CFAP46: variants seen among roughly 807,000 people sequenced by gnomAD.
CFAP46 encodes the protein cilia- and flagella-associated protein 46.
Under a neutral mutation model 325.7 loss-of-function variants are expected in CFAP46, and 245 were observed. That is an observed-to-expected ratio of 0.75 (90% CI 0.68 to 0.84). CFAP46 has a LOEUF of 0.84. Ranked by LOEUF, CFAP46 falls within the 40% of genes least tolerant of loss-of-function variation. The pLI, the probability that CFAP46 is intolerant of heterozygous loss-of-function variation, is 0.00. For synonymous variants in CFAP46, 1,523 were observed against 1,495.9 expected (o/e 1.02, Z -0.42); for missense variants, 3,346 against 3,543.0 (o/e 0.94, Z 1.41).
In CFAP46 at chr10:132,867,571, T is replaced by G; in HGVS notation, c.4611-64A>C. 2.6e-6 allele frequency: 4 copies of G among 1,517,302 alleles called. No individual in the cohort carries two copies. The South Asian group carries it at 5.0e-5, about 19-fold the overall frequency. The allele number at this position is 1,517,302 out of a possible 1,614,324, so 94.0% of individuals were successfully genotyped here. A position where few individuals can be genotyped will look rare whatever the true frequency, so the allele number is the denominator to read the frequency against. ...GGCCACGAAAATGTCCCTTCACGAG[T>G]AACCAAAGAAACGCAAACGAAAACA... On this transcript the variant is annotated intron_variant, in intron 33 of 57. Transcript: ENST00000368586.
At position 132,909,705 on chromosome 10, in the gene CFAP46, C is replaced by T. The variant is rs374813197; in HGVS notation, c.2649+214G>A. Among the ~76,000 whole-genome samples, 23 of 152,368 alleles carry T rather than the reference C, an allele frequency of 1.5e-4. No individual in the cohort carries two copies. In the East Asian group the frequency reaches 4.4e-3, roughly 29 times the overall value. The stretch of plus-strand genomic sequence containing the variant: ...GCACCCCCACAGGCCCAGCAGCTCA[C>T]AGACCCCGTGGACGGGTGGGCAGAG... On this transcript the variant is annotated intron_variant, in intron 20 of 57. Transcript: ENST00000368586.
chr10:132,899,978 C>G (rs1222240667), intron 22 of CFAP46, among the ~76,000 whole-genome samples: 9 of 152,278 alleles, frequency 5.9e-5, no homozygotes, highest in African/African-American at 2.2e-4. Flanking sequence ...AGTCACATGG[C>G]AAGGGTGGGA....
At chr10:132,913,381 G>GGGGGGGGGGGGGGGC in intron 17 of CFAP46, 123 bp from the exon 18 acceptor site, 2 of 350,504 alleles carry the variant, frequency 5.7e-6, no homozygotes, top group African/African-American at 2.2e-5. Context: ...GGGCGGGTGG[G>GGGGGGGGGGGGGGGC]CGGCGACCAA....
In CFAP46 at chr10:132,885,277, G is replaced by A; in HGVS notation, c.3453C>T (p.Phe1151=). The change falls in exon 27 of 58, where the codon TTC becomes TTT. Residue 1151 remains phenylalanine, a synonymous_variant. Coordinates refer to ENST00000368586, the MANE Select transcript of CFAP46 (RefSeq NM_001200049.3). The stretch of plus-strand genomic sequence containing the variant: ...TGGCCTTCACGATGACCATGTGCTT[G>A]AAGATCAAGCTAAAGAAAGGGAAGG... ...LPRTAHRLLI[F]KHMVIVKAKL... is the part of the protein sequence containing the mutation. 6.5e-7 allele frequency: 1 copy of A among 1,546,262 alleles called. No individual in the cohort carries two copies. Among genetic ancestry groups the A allele is most frequent in the Non-Finnish European group, 8.7e-7 (1 of 1,144,228 alleles).
chr10:132,827,955 G>A lies in CFAP46; in HGVS notation c.7117+5403C>T, dbSNP rs567964673. On this transcript the variant is annotated intron_variant, in intron 50 of 57. Transcript: ENST00000368586. This position sits in a 1 kb window ranked among gnomAD's most constrained non-coding sequence, Gnocchi z 5.7. Reference sequence around the variant, plus strand: ...TCACCCCTCGGCGTAATCCTTCTGAGTGAGCCCCGTCACCCCTCAGCGTAA... The same window carrying A: ...TCACCCCTCGGCGTAATCCTTCTGAATGAGCCCCGTCACCCCTCAGCGTAA... Among the ~76,000 whole-genome samples the A allele has an allele frequency of 6.6e-6, 1 of 150,940 alleles. No homozygotes were observed. The highest frequency in any genetic ancestry group is 6.6e-5 in the Admixed American group (1 of 15,254).
intron 36 of CFAP46, 94 bp downstream of exon 36, chr10:132,860,688 G>A (rs1006856878): frequency 1.5e-5 from 20 of 1,364,930 alleles, no homozygotes; most frequent in Middle Eastern, 2.4e-4. Flanking sequence ...TGTCATCAGC[G>A]GTCTGCCAGG....
intron 31 of CFAP46, among the ~76,000 whole-genome samples, chr10:132,874,057 A>C (rs1848930998): frequency 6.6e-6 from 1 of 152,220 alleles, no homozygotes; most frequent in Non-Finnish European, 1.5e-5. Context: ...TCTTCCACGC[A>C]TTTAAGGATG....
chr10:132,883,182 C>T (rs879860618), intron 27 of CFAP46, among the ~76,000 whole-genome samples: 2 of 152,128 alleles, frequency 1.3e-5, no homozygotes, highest in Non-Finnish European at 2.9e-5. Context: ...AAAGTGGAGA[C>T]GTGGCTGAAA....
Position 132,869,454 on chromosome 10 carries a change from A to T in CFAP46, c.4512-82T>A. Reference sequence around the variant, plus strand: ...ACGAAGCTACTAGTGTGCTTCACAGAAAACGGTCAACTAACACATCGAGGC... The same window carrying T: ...ACGAAGCTACTAGTGTGCTTCACAGTAAACGGTCAACTAACACATCGAGGC... On this transcript the variant is annotated intron_variant, in intron 32 of 57. Coordinates refer to ENST00000368586, the MANE Select transcript of CFAP46 (RefSeq NM_001200049.3). This position sits in a 1 kb window ranked among gnomAD's most constrained non-coding sequence, Gnocchi z 6.2. 1 of 1,009,570 alleles carries T rather than the reference A, an allele frequency of 9.9e-7. No homozygotes were observed. The highest frequency in any genetic ancestry group is 1.4e-6 in the Non-Finnish European group (1 of 725,096). 62.5% of individuals were successfully genotyped at this position (1,009,570 alleles called of 1,614,324 possible). A position where few individuals can be genotyped will look rare whatever the true frequency, so the allele number is the denominator to read the frequency against.
chr10:132,859,019 G>A, intron 38 of CFAP46, 52 bp downstream of exon 38: 1 of 1,514,270 alleles, frequency 6.6e-7, no homozygotes, highest in Non-Finnish European at 8.9e-7. Flanking sequence ...TGGGCGTGTT[G>A]TGTGTAAGAG....
In CFAP46 at chr10:132,885,815, A is replaced by G. The variant is rs777803885; in HGVS notation, c.3443+6T>C. 1.6e-5 allele frequency: 24 copies of G among 1,546,092 alleles called. No homozygotes were observed. The highest frequency in any genetic ancestry group is 2.0e-5 in the Non-Finnish European group (23 of 1,145,362). On this transcript the variant is annotated splice_donor_region_variant and intron_variant, in intron 26 of 57. Coordinates refer to ENST00000368586, the MANE Select transcript of CFAP46 (RefSeq NM_001200049.3). ...AGCACTCACAGGCGGTGGGGGGAGC[A>G]CTCACAGGCGGTGGGCCGTCCTTGG...
At chr10:132,926,199 G>A (rs987246118) in intron 10 of CFAP46, among the ~76,000 whole-genome samples, 2 of 152,214 alleles carry the variant, frequency 1.3e-5, no homozygotes, top group African/African-American at 2.4e-5. Flanking sequence ...CCGGACTCAA[G>A]TGAGGCTGGC....
intron 46 of CFAP46, among the ~76,000 whole-genome samples, 166 bp from the exon 47 acceptor site, chr10:132,835,600 G>A (rs1319062219): frequency 1.3e-5 from 2 of 152,098 alleles, no homozygotes; most frequent in Admixed American, 6.5e-5. Context: ...CTGTGGAGAC[G>A]CTGCCACATC....
chr10:132,937,612 C>G lies in CFAP46; in HGVS notation c.600G>C (p.Thr200=), dbSNP rs780230538. Residue 200 remains threonine (T), a synonymous_variant, in exon 6 of 58, where the codon ACG becomes ACC. Transcript: ENST00000368586. ...RKEEAARFCS[T]AAPFIKSHVP... ...CGTGAGACTTAATGAACGGAGCTGCCGTGGAGCAGAACCTGGCAGCCTCCT... is the reference window on the plus strand; with the variant it reads ...CGTGAGACTTAATGAACGGAGCTGCGGTGGAGCAGAACCTGGCAGCCTCCT... 6.2e-6 allele frequency: 10 copies of G among 1,613,556 alleles called. No individual in the cohort carries two copies. The highest frequency in any genetic ancestry group is 8.5e-6 in the Non-Finnish European group (10 of 1,179,940).
chr10:132,842,310 C>T (rs1848359126), intron 44 of CFAP46, among the ~76,000 whole-genome samples: 4 of 152,162 alleles, frequency 2.6e-5, no homozygotes, highest in Non-Finnish European at 5.9e-5. Flanking sequence ...ACGAGGCTGG[C>T]CTTTATTCTA....
chr10:132,861,712 T>C (rs534758508), intron 35 of CFAP46, among the ~76,000 whole-genome samples: 1 of 152,200 alleles, frequency 6.6e-6, no homozygotes, highest in South Asian at 2.1e-4. Flanking sequence ...CGGTCCCAGC[T>C]GCAGGGCTGC....
intron 9 of CFAP46, 60 bp from the exon 10 acceptor site, chr10:132,926,726 T>C (rs554809072): frequency 4.1e-6 from 5 of 1,229,282 alleles, no homozygotes; most frequent in Middle Eastern, 1.9e-4. Flanking sequence ...GCTGTGTACA[T>C]TCATGAAATT....
At chr10:132,878,567 T>G (rs1848991546) in intron 29 of CFAP46, among the ~76,000 whole-genome samples, 1 of 152,186 alleles carries the variant, frequency 6.6e-6, no homozygotes, top group African/African-American at 2.4e-5. Context: ...CTTGGGTGAA[T>G]GAGTTCGAGG....
chr10:132,878,705 G>A (rs1418518287), intron 29 of CFAP46, among the ~76,000 whole-genome samples: 1 of 152,182 alleles, frequency 6.6e-6, no homozygotes, highest in South Asian at 2.1e-4. Context: ...TTAGCGTGGA[G>A]CATTCTGAAG....
Sources: allele counts gnomAD v4.1 joint callset (sites outside exome capture counted in the v4.1 genomes callset), GRCh38; gene constraint gnomAD v4.1.1; non-coding constraint Gnocchi (gnomAD v3.1); transcripts MANE v1.5; gene names NCBI Gene and HGNC (gene_info 2026-07-23, HGNC 2026-07-21).